The following CD58 variants were observed in gnomAD, a reference collection of about 807,000 sequenced individuals.
CD58 encodes CD58 molecule, also known as lymphocyte function-associated antigen 3.
A neutral mutation model predicts 27.6 loss-of-function variants in CD58; 14 were observed. That is an observed-to-expected ratio of 0.51 (90% CI 0.34 to 0.79). CD58 has a LOEUF of 0.79. Among genes scored for constraint, CD58 ranks in the 30% least tolerant of loss-of-function variants. The pLI is 0.02. For missense variants in CD58, 268 were observed against 301.7 expected (o/e 0.89, Z 0.83); for synonymous variants, 117 against 103.8 (o/e 1.13, Z -0.77).
At chr1:116,564,832 G>A (rs1265589407) in intron 1 of CD58, among the ~76,000 whole-genome samples, 1 of 152,116 alleles carries the variant, frequency 6.6e-6, no homozygotes, top group Non-Finnish European at 1.5e-5. Flanking sequence ...TGCTTAGGAT[G>A]GTCTCGAACT....
At chr1:116,537,289 G>A (rs1657844253) in intron 2 of CD58, among the ~76,000 whole-genome samples, 1 of 152,188 alleles carries the variant, frequency 6.6e-6, no homozygotes. Flanking sequence ...GTAAATACTT[G>A]TTCCTATGCT....
intron 5 of CD58, chr1:116,518,965 C>T (rs532448378): frequency 9.0e-6 from 9 of 997,836 alleles, no homozygotes; most frequent in Admixed American, 3.3e-5. Context: ...ATCTCATATG[C>T]GCTGTCTCTA....
In CD58 at chr1:116,570,911, T is replaced by TGCA. The variant is rs2101246582; in HGVS notation, c.59_61dup (p.Leu20dup). The TGCA allele has an allele frequency of 6.4e-7, 1 of 1,564,728 alleles. No homozygotes were observed. Among genetic ancestry groups the TGCA allele is most frequent in the African/African-American group, 1.4e-5 (1 of 73,670 alleles). On this transcript the variant is annotated inframe_insertion, in exon 1 of 6. Transcript: ENST00000369489. The surrounding 1 kb of genome is among the most constrained non-coding windows in gnomAD (Gnocchi z 6.4). Reference sequence around the variant, plus strand: ...GGGCAGGCTTCACTCACCAAAGCAGTGCAGCAGGCAGACCACGCTGAGGAC... The same window carrying TGCA: ...GGGCAGGCTTCACTCACCAAAGCAGTGCAGCAGCAGGCAGACCACGCTGAGGAC...
At chr1:116,535,098 A>G (rs1657749316) in intron 3 of CD58, among the ~76,000 whole-genome samples, 1 of 152,252 alleles carries the variant, frequency 6.6e-6, no homozygotes. Context: ...ACAGATAATA[A>G]AAATTACAAA....
rs1377250231 is a variant in CD58 at position 116,517,579 on chromosome 1, C to T, written c.743+1652G>A. On this transcript the variant is annotated intron_variant, in intron 5 of 5. Coordinates refer to ENST00000369489, the MANE Select transcript of CD58 (RefSeq NM_001779.3). The surrounding 1 kb of genome is among the most constrained non-coding windows in gnomAD (Gnocchi z 6.5). ...CCAAAGGTCTTAACCCCTCGCCTAC[C>T]TCCTTGTCTCTGCAGCTTTAACATG... 1.3e-5 allele frequency among the ~76,000 whole-genome samples: 2 copies of T among 152,192 alleles called. No individual in the cohort carries two copies. Among genetic ancestry groups the T allele is most frequent in the African/African-American group, 2.4e-5 (1 of 41,446 alleles).
intron 1 of CD58, among the ~76,000 whole-genome samples, chr1:116,545,042 G>C (rs1193185234): frequency 6.6e-6 from 1 of 152,198 alleles, no homozygotes; most frequent in Non-Finnish European, 1.5e-5. Flanking sequence ...TGAGTGGGTG[G>C]GGAGTGGAAG....
chr1:116,526,265 T>C (rs1167534304), intron 3 of CD58, among the ~76,000 whole-genome samples: 2 of 152,222 alleles, frequency 1.3e-5, no homozygotes, highest in African/African-American at 2.4e-5. Context: ...TAAAAAGTCA[T>C]CATATCCAAA....
At chr1:116,520,138 G>GT (rs931475257) in intron 4 of CD58, among the ~76,000 whole-genome samples, 3 of 152,058 alleles carry the variant, frequency 2.0e-5, no homozygotes, top group African/African-American at 7.2e-5. Context: ...TTGTTTGTTT[G>GT]TTTTTTGAGA....
rs1397555913 is a variant in CD58, at chr1:116,524,836, T to C, written c.629-2853A>G. On this transcript the variant is annotated intron_variant, in intron 3 of 5. Coordinates refer to ENST00000369489, the MANE Select transcript of CD58 (RefSeq NM_001779.3). The surrounding 1 kb of genome is among the most constrained non-coding windows in gnomAD (Gnocchi z 4.6). ...CCAAATTACTATGTTTTGAAAACAC[T>C]TGGAATGGTTCCTCTATTTGGGGTT... is the stretch of plus-strand genomic sequence containing the variant. 2.6e-5 allele frequency among the ~76,000 whole-genome samples: 4 copies of C among 152,238 alleles called. No individual in the cohort carries two copies. The highest frequency in any genetic ancestry group is 4.8e-5 in the African/African-American group (2 of 41,454).
chr1:116,525,443 C>T (rs1434192721), intron 3 of CD58, among the ~76,000 whole-genome samples: 1 of 152,228 alleles, frequency 6.6e-6, no homozygotes, highest in Non-Finnish European at 1.5e-5. Context: ...TACTGAAGGA[C>T]ATCTTGGTTG....
At position 116,544,596 on chromosome 1, in the gene CD58, T is replaced by G. The variant is rs1314027936; in HGVS notation, c.79A>C (p.Ser27Arg). Residue 27 changes from serine to arginine, a missense_variant, in exon 2 of 6, where the codon AGC (serine) becomes CGC (arginine). By Grantham distance (110) the Ser-to-Arg change is moderately radical. Transcript: ENST00000369489. The part of the protein sequence containing the change: ...VCLLHCFGFI[S>R]CFSQQIYGVV... ...CCATATATTTGTTGGGAAAAACAGC[T>G]GATGAAACCTAGGAGAGAAAAAAAA... The G allele has an allele frequency of 6.3e-7, 1 of 1,576,890 alleles. No individual in the cohort carries two copies. Among genetic ancestry groups the G allele is most frequent in the East Asian group, 2.3e-5 (1 of 44,440 alleles).
intron 5 of CD58, among the ~76,000 whole-genome samples, chr1:116,518,229 C>A (rs1439817268): frequency 6.6e-6 from 1 of 152,118 alleles, no homozygotes; most frequent in East Asian, 1.9e-4. Context: ...AGAGCCTACA[C>A]TGCCAGATGA....
In CD58 at chr1:116,563,506, C is replaced by G. The variant is rs1231866155; in HGVS notation, c.70+7397G>C. Among the ~76,000 whole-genome samples, 3 of 152,110 alleles carry G rather than the reference C, an allele frequency of 2.0e-5. No homozygotes were observed. The highest frequency in any genetic ancestry group is 2.9e-5 in the Non-Finnish European group (2 of 68,006). On this transcript the variant is annotated intron_variant, in intron 1 of 5. Coordinates refer to ENST00000369489, the MANE Select transcript of CD58 (RefSeq NM_001779.3). This position sits in a 1 kb window ranked among gnomAD's most constrained non-coding sequence, Gnocchi z 4.1. ...CTAGCAGAGGTTCTCCATGAGGGTC[C>G]CACTCCTGCAGCAAACTTCTGCCTG...
chr1:116,526,772 G>GA, intron 3 of CD58, among the ~76,000 whole-genome samples: 1 of 152,308 alleles, frequency 6.6e-6, no homozygotes, highest in East Asian at 1.9e-4. Context: ...GAGTAAATTG[G>GA]AAATAACTGA....
rs1659101182 is a variant in CD58 at position 116,570,424 on chromosome 1, G to C, written c.70+479C>G. Among the ~76,000 whole-genome samples the C allele has an allele frequency of 6.6e-6, 1 of 152,106 alleles. No individual in the cohort carries two copies. The highest frequency in any genetic ancestry group is 1.5e-5 in the Non-Finnish European group (1 of 68,002). ...TCTGAAAAGTCCTCTCTGCTGATAC[G>C]GCGGACGCCGCGCGGGCGGGGACGG... On this transcript the variant is annotated intron_variant, in intron 1 of 5. Transcript: ENST00000369489. The surrounding 1 kb of genome is among the most constrained non-coding windows in gnomAD (Gnocchi z 6.4).
intron 3 of CD58, chr1:116,533,522 C>CCT (rs756447868): frequency 4.1e-6 from 3 of 729,074 alleles, no homozygotes; most frequent in Non-Finnish European, 7.8e-6. Context: ...ACTTTAATAT[C>CCT]CTGCAGGTAT....
chr1:116,550,104 C>T lies in CD58; in HGVS notation c.71-5500G>A, dbSNP rs1196061912. On this transcript the variant is annotated intron_variant, in intron 1 of 5. Coordinates refer to ENST00000369489, the MANE Select transcript of CD58 (RefSeq NM_001779.3). This position sits in a 1 kb window ranked among gnomAD's most constrained non-coding sequence, Gnocchi z 4.2. ...TTTTTGCTGGTGAAAGGTCTTGCCT[C>T]AATGTTGATGGCTGCTGACTGATCA... Among the ~76,000 whole-genome samples the T allele has an allele frequency of 6.6e-6, 1 of 152,024 alleles. No homozygotes were observed. The highest frequency in any genetic ancestry group is 2.4e-5 in the African/African-American group (1 of 41,412).
At chr1:116,543,568 C>T (rs1019580299) in intron 2 of CD58, among the ~76,000 whole-genome samples, 4 of 151,862 alleles carry the variant, frequency 2.6e-5, no homozygotes, top group African/African-American at 9.7e-5. Context: ...CTTTAGAGAC[C>T]AGGGAGGAGT....
chr1:116,525,535 C>T (rs1295375457), intron 3 of CD58, among the ~76,000 whole-genome samples: 1 of 152,142 alleles, frequency 6.6e-6, no homozygotes, highest in Non-Finnish European at 1.5e-5. Context: ...TTTTTAATGC[C>T]TTCGGGTAAA....
Sources: gnomAD v4.1 joint callset for allele counts (sites outside exome capture counted in the v4.1 genomes callset) on GRCh38, gnomAD v4.1.1 for gene constraint, Gnocchi (gnomAD v3.1) non-coding constraint, MANE v1.5 for transcripts, NCBI Gene and HGNC (gene_info 2026-07-23, HGNC 2026-07-21) for gene names.